Variants in PCDHGB2 observed in about 807,000 individuals in gnomAD.
The protein encoded by PCDHGB2 is protocadherin gamma subfamily B, 2.
A neutral mutation model predicts 59.3 loss-of-function variants in PCDHGB2; 55 were observed. The observed-to-expected ratio is 0.93, with a 90% confidence interval of 0.75 to 1.16. The LOEUF (loss-of-function observed/expected upper bound fraction) is 1.16, where lower values mean the gene tolerates loss of function less well. Ranked by LOEUF, PCDHGB2 falls within the 50% of genes most tolerant of loss-of-function variation. The pLI is 0.00. For synonymous variants in PCDHGB2, 516 were observed against 512.0 expected (o/e 1.01, Z -0.11); for missense variants, 1,228 against 1,198.5 (o/e 1.02, Z -0.36).
chr5:141,449,774 A>G (rs541830970), intron 1 of PCDHGB2, among the ~76,000 whole-genome samples: 2 of 151,714 alleles, frequency 1.3e-5, no homozygotes, highest in African/African-American at 4.8e-5. Flanking sequence ...AAGTTGTAGA[A>G]ATTATGTTTC....
intron 1 of PCDHGB2, chr5:141,389,454 C>T (rs544789937): frequency 6.2e-7 from 1 of 1,612,960 alleles, no homozygotes; most frequent in African/African-American, 1.3e-5. Context: ...CGAGCAGCTG[C>T]GCGCCTTCGA....
intron 1 of PCDHGB2, among the ~76,000 whole-genome samples, chr5:141,397,628 A>T (rs2093548217): frequency 6.6e-6 from 1 of 152,242 alleles, no homozygotes; most frequent in Non-Finnish European, 1.5e-5. Flanking sequence ...AGTTCTAGCT[A>T]AGAGTTCAAG....
chr5:141,364,897 A>G (rs780576369), intron 1 of PCDHGB2: 1 of 1,613,970 alleles, frequency 6.2e-7, no homozygotes, highest in Non-Finnish European at 8.5e-7. Context: ...CTGATGGACA[A>G]AAGTATCCGG....
intron 2 of PCDHGB2, among the ~76,000 whole-genome samples, chr5:141,495,826 A>G (rs1190417828): frequency 6.6e-6 from 1 of 150,888 alleles, no homozygotes; most frequent in African/African-American, 2.4e-5. Flanking sequence ...GTGTTCTTCT[A>G]TCCCCAGCCT....
At chr5:141,388,251 A>G in intron 1 of PCDHGB2, 1 of 1,610,692 alleles carries the variant, frequency 6.2e-7, no homozygotes, top group Non-Finnish European at 8.5e-7. Flanking sequence ...GAATGTGGAG[A>G]TCGAGGACAT....
At chr5:141,456,615 A>G (rs561978043) in intron 1 of PCDHGB2, among the ~76,000 whole-genome samples, 3 of 152,318 alleles carry the variant, frequency 2.0e-5, no homozygotes, top group East Asian at 3.9e-4. Flanking sequence ...AAGTCCCTGT[A>G]GATTTGCCTC....
chr5:141,388,109 C>T, intron 1 of PCDHGB2: 2 of 1,404,160 alleles, frequency 1.4e-6, no homozygotes, highest in Non-Finnish European at 2.0e-6. Context: ...AGCCTTACTT[C>T]ACCGTGAGCG....
At chr5:141,400,856 A>G (rs1026499885) in intron 1 of PCDHGB2, among the ~76,000 whole-genome samples, 6 of 152,192 alleles carry the variant, frequency 3.9e-5, no homozygotes, top group Non-Finnish European at 8.8e-5. Context: ...ATTTTATTGT[A>G]TGTAGATAAA....
rs778960850 is a variant in PCDHGB2, at chr5:141,389,261, G to A, written c.2421+26705G>A. 2.0e-5 allele frequency: 32 copies of A among 1,613,890 alleles called. No homozygotes were observed. The East Asian group carries it at 7.1e-4, about 36-fold the overall frequency. ...CACAGTCTTCCTATATAGTCCACGT[G>A]GCCGAGAACAACCCGCCTGGAGCCT... On this transcript the variant is annotated intron_variant, in intron 1 of 3. Coordinates refer to ENST00000522605, the MANE Select transcript of PCDHGB2 (RefSeq NM_018923.3).
intron 1 of PCDHGB2, among the ~76,000 whole-genome samples, chr5:141,437,339 T>A (rs1008090968): frequency 3.3e-5 from 5 of 152,262 alleles, no homozygotes; most frequent in Non-Finnish European, 7.3e-5. Context: ...GTAGCTTCAC[T>A]GTTTTATAGT....
At chr5:141,409,351 G>A (rs756967611) in intron 1 of PCDHGB2, 7 of 1,613,982 alleles carry the variant, frequency 4.3e-6, no homozygotes, top group Non-Finnish European at 5.9e-6. Flanking sequence ...GAGAAGTCAG[G>A]TGTAATATAG....
intron 1 of PCDHGB2, among the ~76,000 whole-genome samples, chr5:141,483,997 T>G (rs2099590025): frequency 8.6e-5 from 6 of 69,516 alleles, no homozygotes; most frequent in East Asian, 4.4e-4. Context: ...TGCTGGGAGG[T>G]CTGGATGAGG....
chr5:141,366,903 C>G (rs1018569016), intron 1 of PCDHGB2: 1 of 1,174,592 alleles, frequency 8.5e-7, no homozygotes, highest in Non-Finnish European at 1.2e-6. Flanking sequence ...TTCATGCTTT[C>G]TCCATTTGTT....
At chr5:141,371,623 T>C in intron 1 of PCDHGB2, 1 of 1,614,008 alleles carries the variant, frequency 6.2e-7, no homozygotes, top group African/African-American at 1.3e-5. Flanking sequence ...GATGGAGCCC[T>C]GGACCGGGAG....
At chr5:141,409,168 G>T in intron 1 of PCDHGB2, 1 of 1,614,032 alleles carries the variant, frequency 6.2e-7, no homozygotes, top group Non-Finnish European at 8.5e-7. Flanking sequence ...TGGAAGCGAA[G>T]GACGGAGGTG....
intron 1 of PCDHGB2, among the ~76,000 whole-genome samples, chr5:141,453,322 G>A (rs897661534): frequency 6.6e-6 from 1 of 151,544 alleles, no homozygotes; most frequent in Non-Finnish European, 1.5e-5. Flanking sequence ...TTTTAGAGAT[G>A]GGGTCTCACT....
Position 141,485,373 on chromosome 5 carries a change from C to T in PCDHGB2, c.2422-9434C>T. 2 of 1,614,136 alleles carry T rather than the reference C, an allele frequency of 1.2e-6. No homozygotes were observed. Among genetic ancestry groups the T allele is most frequent in the East Asian group, 2.2e-5 (1 of 44,868 alleles). On this transcript the variant is annotated intron_variant, in intron 1 of 3. Transcript: ENST00000522605. This position sits in a 1 kb window ranked among gnomAD's most constrained non-coding sequence, Gnocchi z 5.7. ...CTGTCAGCTCGCAGGCTGCAGGTCG[C>T]TGGAGAGGTGAACCAAAGACACTTC... is the stretch of plus-strand genomic sequence containing the variant.
intron 1 of PCDHGB2, chr5:141,421,734 G>T: frequency 6.2e-7 from 1 of 1,613,948 alleles, no homozygotes; most frequent in Non-Finnish European, 8.5e-7. Flanking sequence ...ACTCCCTCCA[G>T]AGCTACCAGC....
intron 1 of PCDHGB2, chr5:141,388,512 T>G (rs1342946669): frequency 1.2e-6 from 2 of 1,613,846 alleles, no homozygotes; most frequent in Non-Finnish European, 1.7e-6. Flanking sequence ...ATCCTACCAC[T>G]TGACTTTGAC....
Sources: allele counts gnomAD v4.1 joint callset (sites outside exome capture counted in the v4.1 genomes callset), GRCh38; gene constraint gnomAD v4.1.1; non-coding constraint Gnocchi (gnomAD v3.1); transcripts MANE v1.5; gene names NCBI Gene and HGNC (gene_info 2026-07-23, HGNC 2026-07-21).